The following NBPF15 variants were observed in gnomAD, a reference collection of about 807,000 sequenced individuals.
NBPF15 encodes NBPF family member NBPF15.
In NBPF15, 74 loss-of-function variants were observed where a neutral mutation model predicts 62.2. The observed-to-expected ratio is 1.19, with a 90% CI of 0.99 to 1.44. NBPF15 has a LOEUF of 1.44. Among genes scored for constraint, NBPF15 ranks in the 40% most tolerant of loss-of-function variants. The probability of loss-of-function intolerance (pLI) is 0.00; values close to 1 mark genes in which losing one functional copy is unlikely to be tolerated. For missense variants in NBPF15, 790 were observed against 550.0 expected (o/e 1.44, Z -4.36); for synonymous variants, 244 against 209.7 (o/e 1.16, Z -1.41).
At chr1:144,425,719 G>T (rs1431618549) in intron 18 of NBPF15, among the ~76,000 whole-genome samples, 151 bp from the exon 19 acceptor site, 5 of 62,880 alleles carry the variant, frequency 8.0e-5, no homozygotes, top group African/African-American at 2.1e-4. Flanking sequence ...CTGAAAGCTG[G>T]TCATGATATT....
chr1:144,450,524 GCCAGCCCATT>G (rs1474156375), intron 5 of NBPF15, among the ~76,000 whole-genome samples: 1 of 150,412 alleles, frequency 6.6e-6, no homozygotes, highest in Non-Finnish European at 1.5e-5. Context: ...ATAAAACACA[GCCAGCCCATT>G]CCCGGATTTT....
intron 10 of NBPF15, among the ~76,000 whole-genome samples, chr1:144,436,536 C>G (rs1438536930): frequency 6.6e-6 from 1 of 152,010 alleles, no homozygotes; most frequent in East Asian, 1.9e-4. Context: ...CTGACAGTTA[C>G]TAAGAACATT....
chr1:144,455,101 A>C (rs1394101048), intron 4 of NBPF15, among the ~76,000 whole-genome samples: 2 of 136,790 alleles, frequency 1.5e-5, no homozygotes, highest in African/African-American at 6.2e-5. Context: ...GGAAGGAAGG[A>C]AGGAAGGAAG....
rs1666711375 is a variant in NBPF15 at position 144,422,949 on chromosome 1, A to T, written c.*64T>A. 12 of 1,611,460 alleles carry T rather than the reference A, an allele frequency of 7.4e-6. No individual in the cohort carries two copies. The highest frequency in any genetic ancestry group is 1.7e-6 in the Non-Finnish European group (2 of 1,179,584). ...TCCAAATGGAACTGTACTTTCATTC[A>T]AATCTTCTCGTGCCTATAGGTCCTG... On this transcript the variant is annotated 3_prime_UTR_variant, in exon 22 of 22. Transcript: ENST00000581897.
intron 6 of NBPF15, among the ~76,000 whole-genome samples, chr1:144,446,210 ATTC>A (rs1252299899): frequency 2.0e-5 from 3 of 151,270 alleles, no homozygotes; most frequent in Non-Finnish European, 4.4e-5. Context: ...ATGAAATTGT[ATTC>A]TTATTTCATT....
chr1:144,442,218 A>AT (rs1553542919), intron 6 of NBPF15, among the ~76,000 whole-genome samples: 5 of 106,864 alleles, frequency 4.7e-5, no homozygotes, highest in African/African-American at 2.2e-4. Context: ...TAATATATAT[A>AT]ATATATATAT....
chr1:144,430,308 TTTC>T (rs1485848527), intron 13 of NBPF15, among the ~76,000 whole-genome samples: 1 of 151,264 alleles, frequency 6.6e-6, no homozygotes, highest in Non-Finnish European at 1.5e-5. Flanking sequence ...ACTTTTTCAA[TTTC>T]TTTTCTTGCA....
At chr1:144,424,194 G>A (rs781958882) in intron 20 of NBPF15, among the ~76,000 whole-genome samples, 93 of 152,066 alleles carry the variant, frequency 6.1e-4, no homozygotes, top group African/African-American at 1.8e-3. Flanking sequence ...CTAGTAGATC[G>A]TTATCCCAAT....
chr1:144,426,752 C>A (rs587601341), intron 17 of NBPF15, among the ~76,000 whole-genome samples: 2 of 151,800 alleles, frequency 1.3e-5, no homozygotes, highest in East Asian at 1.9e-4. Context: ...GGACACACAA[C>A]GAACAGTGGT....
At chr1:144,452,335 C>G (rs1343661821) in intron 4 of NBPF15, among the ~76,000 whole-genome samples, 1 of 151,920 alleles carries the variant, frequency 6.6e-6, no homozygotes, top group Non-Finnish European at 1.5e-5. Flanking sequence ...GAGCCATAAA[C>G]AGGACTACTA....
chr1:144,423,975 T>C lies in NBPF15; in HGVS notation c.1664A>G (p.Glu555Gly). 1.3e-6 allele frequency: 1 copy of C among 766,514 alleles called. No homozygotes were observed. The allele number at this position is 766,514 out of a possible 1,614,324, so 47.5% of individuals were successfully genotyped here. A position where few individuals can be genotyped will look rare whatever the true frequency, so the allele number is the denominator to read the frequency against. ...CTTCCCCTTCCCCTTCTTTTCAATT[T>C]CTGCAATAAATTCAGACATGGACAG... is the stretch of plus-strand genomic sequence containing the variant. ...KHVGFSLDVG[E>G]IEKKGKGKKR... Residue 555 changes from glutamate to glycine, a missense_variant and splice_region_variant, in exon 21 of 22, where the codon GAA becomes GGA. Glu to Gly is a moderately conservative substitution (Grantham distance 98). Coordinates refer to ENST00000581897, the MANE Select transcript of NBPF15 (RefSeq NM_001385408.1).
At chr1:144,446,166 T>C (rs1291569155) in intron 6 of NBPF15, among the ~76,000 whole-genome samples, 4 of 151,902 alleles carry the variant, frequency 2.6e-5, no homozygotes, top group Admixed American at 1.3e-4. Flanking sequence ...TGAATTTATT[T>C]ATAAGCACAA....
chr1:144,443,903 A>G lies in NBPF15; in HGVS notation c.-190-3608T>C, dbSNP rs1428970591. On this transcript the variant is annotated intron_variant, in intron 6 of 21. Coordinates refer to ENST00000581897, the MANE Select transcript of NBPF15 (RefSeq NM_001385408.1). ...CCCAAAGTTTCTTGTACCCCTTTGCAGTTCATCAGCCTTTCAACCCTCAGC... is the reference window on the plus strand; with the variant it reads ...CCCAAAGTTTCTTGTACCCCTTTGCGGTTCATCAGCCTTTCAACCCTCAGC... Among the ~76,000 whole-genome samples the G allele has an allele frequency of 7.4e-4, 111 of 150,786 alleles. 1 individual carries two copies. In the South Asian group the frequency reaches 0.018, roughly 25 times the overall value.
rs1188842417 is a variant in NBPF15, at chr1:144,423,043, C to G, written c.1983G>C (p.Val661=). 1 of 1,611,510 alleles carries G rather than the reference C, an allele frequency of 6.2e-7. No homozygotes were observed. Among genetic ancestry groups the G allele is most frequent in the African/African-American group, 1.3e-5 (1 of 74,792 alleles). Residue 661 remains valine, a synonymous_variant, in exon 22 of 22, where the codon GTG becomes GTC. Coordinates refer to ENST00000581897, the MANE Select transcript of NBPF15 (RefSeq NM_001385408.1). Reference sequence around the variant, plus strand: ...GTGGGAATATGACTCCCATCTGGAACACCAGGTGGAGACTTGTCACCGTCA... The same window carrying G: ...GTGGGAATATGACTCCCATCTGGAAGACCAGGTGGAGACTTGTCACCGTCA... ...FTLTVTSLHL[V]FQMGVIFPQ
At chr1:144,452,564 T>C (rs1403921530) in intron 4 of NBPF15, among the ~76,000 whole-genome samples, 1 of 151,392 alleles carries the variant, frequency 6.6e-6, no homozygotes, top group Non-Finnish European at 1.5e-5. Context: ...TGACAAAATA[T>C]GCTGAAGTAG....
intron 14 of NBPF15, among the ~76,000 whole-genome samples, chr1:144,429,387 A>G (rs1467242412): frequency 3.3e-5 from 5 of 151,334 alleles, no homozygotes; most frequent in African/African-American, 4.9e-5. Context: ...AGCTGAGCTG[A>G]CAGACAGCTC....
rs587606622 is a variant in NBPF15, at chr1:144,423,065, G to A, written c.1961C>T (p.Thr654Met). Residue 654 changes from threonine (T) to methionine (M), a missense_variant, in exon 22 of 22, where the codon ACG (threonine) becomes ATG (methionine). Physicochemically the swap from Thr to Met is moderately conservative, Grantham distance 81. Coordinates refer to ENST00000581897, the MANE Select transcript of NBPF15 (RefSeq NM_001385408.1). ...GAACACCAGGTGGAGACTTGTCACC[G>A]TCAAAGTAAAAAACCTATTGTCCAC... ...LYVDNRFFTL[T>M]VTSLHLVFQM... 6.4e-5 allele frequency: 103 copies of A among 1,611,596 alleles called. 1 individual carries two copies. Among genetic ancestry groups the A allele is most frequent in the Admixed American group, 5.0e-4 (30 of 59,962 alleles).
chr1:144,432,380 C>T (rs1278435978), intron 13 of NBPF15, among the ~76,000 whole-genome samples: 1 of 151,918 alleles, frequency 6.6e-6, no homozygotes, highest in East Asian at 1.9e-4. Context: ...ACCATTGACG[C>T]TAGGAAGAAA....
At chr1:144,427,615 A>C (rs1670693777) in intron 16 of NBPF15, among the ~76,000 whole-genome samples, 1 of 145,764 alleles carries the variant, frequency 6.9e-6, no homozygotes, top group Non-Finnish European at 1.5e-5. Context: ...ATGGCCTGAG[A>C]CTAGGAAGAG....
Sources: allele counts gnomAD v4.1 joint callset (sites outside exome capture counted in the v4.1 genomes callset), GRCh38; gene constraint gnomAD v4.1.1; transcripts MANE v1.5; gene names NCBI Gene and HGNC (gene_info 2026-07-23, HGNC 2026-07-21).